Variants in GBE1 observed in about 807,000 individuals in gnomAD.
The protein encoded by GBE1 is 1,4-alpha-glucan branching enzyme 1, also known as 1,4-alpha-glucan-branching enzyme.
Under a neutral mutation model 88.8 loss-of-function variants are expected in GBE1, and 70 were observed. The ratio of observed to expected loss-of-function variants is 0.79; its 90% CI spans 0.65 to 0.96. GBE1 has a LOEUF of 0.96. GBE1 is among the 40% of genes least tolerant of loss of function. The pLI, the probability that GBE1 is intolerant of heterozygous loss-of-function variation, is 0.00. For synonymous variants in GBE1, 284 were observed against 300.1 expected (o/e 0.95, Z 0.56); for missense variants, 872 against 871.0 (o/e 1.00, Z -0.01).
At chr3:81,535,164 C>T in intron 14 of GBE1, 31 bp downstream of exon 14, 1 of 1,554,372 alleles carries the variant, frequency 6.4e-7, no homozygotes, top group South Asian at 1.2e-5. Context: ...TGAATGTGGA[C>T]AGTCATATTC....
intron 7 of GBE1, among the ~76,000 whole-genome samples, chr3:81,629,890 CG>C (rs1704482135): frequency 6.7e-6 from 1 of 149,246 alleles, no homozygotes; most frequent in Non-Finnish European, 1.5e-5. Context: ...CAACAGTCCC[CG>C]GTGTGTGATC....
At chr3:81,677,437 G>A (rs747696423) in intron 2 of GBE1, among the ~76,000 whole-genome samples, 2 of 152,122 alleles carry the variant, frequency 1.3e-5, no homozygotes, top group Non-Finnish European at 2.9e-5. Context: ...TTGGAGCAAG[G>A]AAACATCCTT....
At chr3:81,708,694 C>T (rs577811681) in intron 1 of GBE1, among the ~76,000 whole-genome samples, 1 of 152,038 alleles carries the variant, frequency 6.6e-6, no homozygotes, top group Non-Finnish European at 1.5e-5. Flanking sequence ...GCAAAGACAT[C>T]TATGTATATA....
intron 12 of GBE1, among the ~76,000 whole-genome samples, chr3:81,561,273 C>T (rs1206382282): frequency 6.6e-6 from 1 of 151,958 alleles, no homozygotes; most frequent in Admixed American, 6.6e-5. Flanking sequence ...CTTGTACAGT[C>T]AAAGAAACAC....
intron 11 of GBE1, 43 bp downstream of exon 11, chr3:81,581,118 AAGAG>A (rs555859246): frequency 5.5e-5 from 56 of 1,018,308 alleles, no homozygotes; most frequent in Admixed American, 3.0e-4. Context: ...GGGAAGGAGG[AAGAG>A]AGAGAGAGAG....
chr3:81,714,391 T>G (rs1401466326), intron 1 of GBE1, among the ~76,000 whole-genome samples: 1 of 152,220 alleles, frequency 6.6e-6, no homozygotes, highest in Non-Finnish European at 1.5e-5. Flanking sequence ...CTTACAAGTC[T>G]GCTTTGAAAA....
intron 9 of GBE1, among the ~76,000 whole-genome samples, chr3:81,587,954 G>A (rs1027401234): frequency 3.9e-5 from 6 of 151,972 alleles, no homozygotes; most frequent in Admixed American, 2.6e-4. Context: ...TAAGTACTTC[G>A]GCCACTTTGA....
intron 1 of GBE1, among the ~76,000 whole-genome samples, chr3:81,724,123 C>G (rs1004082019): frequency 3.3e-5 from 5 of 152,164 alleles, no homozygotes; most frequent in Admixed American, 2.6e-4. Context: ...TGACATTTTT[C>G]TCCACAAGAC....
intron 2 of GBE1, among the ~76,000 whole-genome samples, chr3:81,702,410 A>G (rs1705712529): frequency 6.6e-6 from 1 of 152,028 alleles, no homozygotes; most frequent in Non-Finnish European, 1.5e-5. Flanking sequence ...TTGAGATCCT[A>G]TAACTTTGGA....
chr3:81,520,296 C>T (rs972525112), intron 14 of GBE1, among the ~76,000 whole-genome samples: 11 of 151,426 alleles, frequency 7.3e-5, no homozygotes, highest in African/African-American at 1.9e-4. Context: ...TGCATGTCTC[C>T]GCATCACATT....
chr3:81,755,196 C>A (rs1209551127), intron 1 of GBE1, among the ~76,000 whole-genome samples: 1 of 151,948 alleles, frequency 6.6e-6, no homozygotes. Context: ...ATATAAATGG[C>A]CGACAGGTGT....
At position 81,625,047 on chromosome 3, in the gene GBE1, A is replaced by C. The variant is rs549799486; in HGVS notation, c.992+17734T>G. ...GCTACACTTTTCCTGACATAGACTC[A>C]AATCCTTCCCTGCCTCAGAATCCTG... On this transcript the variant is annotated intron_variant, in intron 7 of 15. Coordinates refer to ENST00000429644, the MANE Select transcript of GBE1 (RefSeq NM_000158.4). Among the ~76,000 whole-genome samples the C allele has an allele frequency of 4.8e-5, 7 of 145,514 alleles. No individual in the cohort carries two copies. In the South Asian group the frequency reaches 6.7e-4, roughly 14 times the overall value.
At position 81,633,353 on chromosome 3, in the gene GBE1, T is replaced by C. The variant is rs138789793; in HGVS notation, c.992+9428A>G. 1.7e-3 allele frequency among the ~76,000 whole-genome samples: 260 copies of C among 152,222 alleles called. 7 individuals carry two copies. In the East Asian group the frequency reaches 0.04, roughly 23 times the overall value. On this transcript the variant is annotated intron_variant, in intron 7 of 15. Transcript: ENST00000429644. ...TATTAGTATTTTACAGAGGGGGAAATTAAAGTTAAACTTAGAAAGATTAAC... is the reference window on the plus strand; with the variant it reads ...TATTAGTATTTTACAGAGGGGGAAACTAAAGTTAAACTTAGAAAGATTAAC...
At chr3:81,624,510 GCA>G (rs2107019601) in intron 7 of GBE1, among the ~76,000 whole-genome samples, 1 of 152,196 alleles carries the variant, frequency 6.6e-6, no homozygotes, top group Admixed American at 6.5e-5. Flanking sequence ...CTTCCCACTT[GCA>G]CAGTCTAGAA....
intron 9 of GBE1, among the ~76,000 whole-genome samples, chr3:81,590,519 G>C (rs1443917708): frequency 5.3e-5 from 8 of 151,910 alleles, no homozygotes; most frequent in Admixed American, 4.6e-4. Flanking sequence ...GTGCAGCTTT[G>C]GGACAGTTAA....
intron 12 of GBE1, among the ~76,000 whole-genome samples, chr3:81,545,004 C>A (rs1703188508): frequency 6.6e-6 from 1 of 151,978 alleles, no homozygotes; most frequent in Non-Finnish European, 1.5e-5. Flanking sequence ...TATTGTTCCC[C>A]AGTTTACATG....
intron 3 of GBE1, among the ~76,000 whole-genome samples, chr3:81,653,862 A>G (rs1704889699): frequency 1.3e-5 from 2 of 152,172 alleles, no homozygotes; most frequent in Admixed American, 6.5e-5. Flanking sequence ...ATACGTTTTG[A>G]TATTATCACT....
chr3:81,524,283 T>C (rs1250324204), intron 14 of GBE1, among the ~76,000 whole-genome samples: 1 of 151,884 alleles, frequency 6.6e-6, no homozygotes, highest in Non-Finnish European at 1.5e-5. Context: ...TGTTTGTCAT[T>C]TGTATGTCTT....
At chr3:81,650,621 C>T (rs993463406) in intron 3 of GBE1, among the ~76,000 whole-genome samples, 1 of 152,076 alleles carries the variant, frequency 6.6e-6, no homozygotes, top group East Asian at 1.9e-4. Flanking sequence ...TGAATTTATC[C>T]AGCCATATAA....
Sources: allele counts gnomAD v4.1 joint callset (sites outside exome capture counted in the v4.1 genomes callset), GRCh38; gene constraint gnomAD v4.1.1; transcripts MANE v1.5; gene names NCBI Gene and HGNC (gene_info 2026-07-23, HGNC 2026-07-21).